GABRA4: variants seen among roughly 807,000 people sequenced by gnomAD.
The protein encoded by GABRA4 is gamma-aminobutyric acid type A receptor subunit alpha4.
Under a neutral mutation model 49.7 loss-of-function variants are expected in GABRA4, and 12 were observed. The observed-to-expected ratio is 0.24, with a 90% CI of 0.15 to 0.39. The LOEUF is 0.39. Ranked by LOEUF, GABRA4 falls within the 10% of genes least tolerant of loss-of-function variation. GABRA4 has a pLI of 1.00. For missense variants in GABRA4, 506 were observed against 686.0 expected (o/e 0.74, Z 2.93); for synonymous variants, 288 against 240.2 (o/e 1.20, Z -1.84).
chr4:46,963,452 T>A (rs551825057), intron 8 of GABRA4, among the ~76,000 whole-genome samples: 2 of 151,880 alleles, frequency 1.3e-5, no homozygotes, highest in South Asian at 4.1e-4. Context: ...TCTCACCAGA[T>A]CTGATGGGCT....
intron 6 of GABRA4, among the ~76,000 whole-genome samples, chr4:46,971,577 A>G (rs1722948415): frequency 2.0e-5 from 3 of 151,466 alleles, no homozygotes; most frequent in African/African-American, 7.3e-5. Flanking sequence ...CAGCATTTAG[A>G]CCTATCTTCT....
chr4:46,957,238 C>T (rs1167277487), intron 8 of GABRA4, among the ~76,000 whole-genome samples: 1 of 150,164 alleles, frequency 6.7e-6, no homozygotes, highest in African/African-American at 2.5e-5. Flanking sequence ...GAATGAGCCC[C>T]CAAAAGAAAA....
intron 8 of GABRA4, among the ~76,000 whole-genome samples, chr4:46,942,617 T>G (rs1305942236): frequency 6.8e-6 from 1 of 147,564 alleles, no homozygotes; most frequent in Non-Finnish European, 1.5e-5. Context: ...AGAGTGAGAC[T>G]CTGTCTCAGA....
In GABRA4 at chr4:46,923,477, A is replaced by G. The variant is rs957194926; in HGVS notation, c.*4748T>C. ...CATATCCAAATACAAAATATTTCTG[A>G]TTTCTGGGTGGTAGAATTTTGAGAT... On this transcript the variant is annotated 3_prime_UTR_variant, in exon 9 of 9. Transcript: ENST00000264318. The G allele has an allele frequency of 1.3e-5, 2 of 152,102 alleles. No individual in the cohort carries two copies. The highest frequency in any genetic ancestry group is 2.9e-5 in the Non-Finnish European group (2 of 67,996). The allele number at this position is 152,102 out of a possible 1,614,324, so 9.4% of individuals were successfully genotyped here.
chr4:46,982,350 G>GACC lies in GABRA4; in HGVS notation c.206-3255_206-3253dup, dbSNP rs1334619468. On this transcript the variant is annotated intron_variant, in intron 2 of 8. Coordinates refer to ENST00000264318, the MANE Select transcript of GABRA4 (RefSeq NM_000809.4). ...GCGGGCCCTAATCTAATATCACTGT[G>GACC]ACCATATCAGAAGTGTAGATTAGGA... Among the ~76,000 whole-genome samples, 9 of 151,898 alleles carry GACC rather than the reference G, an allele frequency of 5.9e-5. 1 individual carries two copies. The South Asian group carries it at 6.2e-4, about 11-fold the overall frequency.
chr4:46,984,746 G>A (rs913356064), intron 2 of GABRA4, among the ~76,000 whole-genome samples: 1 of 151,828 alleles, frequency 6.6e-6, no homozygotes, highest in Non-Finnish European at 1.5e-5. Flanking sequence ...ACAATAAAAT[G>A]CCATTTTAAG....
At chr4:46,949,777 A>G (rs1050510883) in intron 8 of GABRA4, among the ~76,000 whole-genome samples, 2 of 152,156 alleles carry the variant, frequency 1.3e-5, no homozygotes, top group African/African-American at 4.8e-5. Context: ...ATATGAATGC[A>G]ATTCATAAGA....
intron 8 of GABRA4, 67 bp from the exon 9 acceptor site, chr4:46,928,822 G>A (rs1721332523): frequency 4.5e-5 from 47 of 1,036,666 alleles, no homozygotes; most frequent in Middle Eastern, 2.2e-4. Flanking sequence ...AAATTTAAAG[G>A]GATCAAAATT....
At chr4:46,933,231 G>A (rs1721502932) in intron 8 of GABRA4, among the ~76,000 whole-genome samples, 1 of 152,172 alleles carries the variant, frequency 6.6e-6, no homozygotes, top group South Asian at 2.1e-4. Context: ...CACACAGTAG[G>A]CACCTATTTC....
intron 8 of GABRA4, among the ~76,000 whole-genome samples, chr4:46,954,352 T>C (rs149401808): frequency 6.6e-6 from 1 of 151,736 alleles, no homozygotes; most frequent in Admixed American, 6.6e-5. Context: ...AGGTCAGGAG[T>C]TCGAGACCAG....
chr4:46,945,739 C>T (rs1721958806), intron 8 of GABRA4, among the ~76,000 whole-genome samples: 1 of 152,054 alleles, frequency 6.6e-6, no homozygotes, highest in Admixed American at 6.6e-5. Context: ...ATTATAAAAT[C>T]AGGCATATAG....
At position 46,928,018 on chromosome 4, in the gene GABRA4, C is replaced by A. The variant is rs371234747; in HGVS notation, c.*207G>T. On this transcript the variant is annotated 3_prime_UTR_variant, in exon 9 of 9. Coordinates refer to ENST00000264318, the MANE Select transcript of GABRA4 (RefSeq NM_000809.4). ...ATTCTATCTAACTGAATGCTGAGTTCTTTTAAAATAATTTTTCTGAAAAAA... is the reference window on the plus strand; with the variant it reads ...ATTCTATCTAACTGAATGCTGAGTTATTTTAAAATAATTTTTCTGAAAAAA... The A allele has an allele frequency of 3.7e-3, 1,760 of 479,438 alleles. 14 individuals are homozygous for A. Among genetic ancestry groups the A allele is most frequent in the South Asian group, 0.02 (665 of 32,518 alleles). The allele number at this position is 479,438 out of a possible 1,614,324, so 29.7% of individuals were successfully genotyped here.
chr4:46,973,070 C>T (rs187189287), intron 6 of GABRA4, among the ~76,000 whole-genome samples: 1 of 151,644 alleles, frequency 6.6e-6, no homozygotes, highest in South Asian at 2.1e-4. Context: ...GTACTTAAAC[C>T]TTTCTCGTGT....
Position 46,923,052 on chromosome 4 carries a change from A to G in GABRA4, c.*5173T>C, listed in dbSNP as rs1406379174. ...CCTTATGAGAATCGACTAATGCCTG[A>G]TGATCTGAGATGGAACAATTTCATC... On this transcript the variant is annotated 3_prime_UTR_variant, in exon 9 of 9. Coordinates refer to ENST00000264318, the MANE Select transcript of GABRA4 (RefSeq NM_000809.4). The G allele has an allele frequency of 6.6e-6, 1 of 152,166 alleles. No individual in the cohort carries two copies. 9.4% of individuals were successfully genotyped at this position (152,166 alleles called of 1,614,324 possible). A position where few individuals can be genotyped will look rare whatever the true frequency, so the allele number is the denominator to read the frequency against.
intron 2 of GABRA4, among the ~76,000 whole-genome samples, chr4:46,984,285 A>G (rs1723460444): frequency 6.6e-6 from 1 of 152,076 alleles, no homozygotes; most frequent in African/African-American, 2.4e-5. Flanking sequence ...CTTACAAAAT[A>G]CTAGTTACAT....
chr4:46,964,268 G>T (rs539790871), intron 8 of GABRA4, among the ~76,000 whole-genome samples: 1 of 151,924 alleles, frequency 6.6e-6, no homozygotes, highest in African/African-American at 2.4e-5. Context: ...GACTGGGAAG[G>T]GTAGCGGGAG....
At chr4:46,929,721 T>A (rs1427435289) in intron 8 of GABRA4, among the ~76,000 whole-genome samples, 1 of 152,130 alleles carries the variant, frequency 6.6e-6, no homozygotes, top group Non-Finnish European at 1.5e-5. Flanking sequence ...TACTATTATA[T>A]TTTTGCAGGA....
intron 8 of GABRA4, among the ~76,000 whole-genome samples, chr4:46,944,582 T>A (rs549900630): frequency 6.6e-6 from 1 of 152,170 alleles, no homozygotes; most frequent in African/African-American, 2.4e-5. Flanking sequence ...TGTCTTAGTT[T>A]AGTTCTAGAA....
intron 2 of GABRA4, among the ~76,000 whole-genome samples, chr4:46,982,219 C>T (rs189366879): frequency 5.3e-5 from 8 of 152,168 alleles, no homozygotes; most frequent in African/African-American, 1.9e-4. Flanking sequence ...ACTGTATTCC[C>T]TCCAAATTCC....
Sources: allele counts gnomAD v4.1 joint callset (sites outside exome capture counted in the v4.1 genomes callset), GRCh38; gene constraint gnomAD v4.1.1; transcripts MANE v1.5; gene names NCBI Gene and HGNC (gene_info 2026-07-23, HGNC 2026-07-21).